Variants in FOXP2 observed in about 807,000 individuals in gnomAD.
The protein encoded by FOXP2 is forkhead box protein P2.
In FOXP2, 12 loss-of-function variants were observed where a neutral mutation model predicts 115.8. The observed-to-expected ratio is 0.10, with a 90% CI of 0.07 to 0.17. The LOEUF (loss-of-function observed/expected upper bound fraction) is 0.17. Among genes scored for constraint, FOXP2 ranks in the 10% least tolerant of loss-of-function variants. The pLI, the probability that FOXP2 is intolerant of heterozygous loss-of-function variation, is 1.00. For synonymous variants in FOXP2, 328 were observed against 297.7 expected (o/e 1.10, Z -1.05); for missense variants, 629 against 843.5 (o/e 0.75, Z 3.15).
intron 1 of FOXP2, among the ~76,000 whole-genome samples, chr7:114,114,016 A>G (rs905561132): frequency 3.9e-5 from 6 of 152,136 alleles, no homozygotes; most frequent in East Asian, 3.9e-4. Context: ...AATTTAAGAG[A>G]ATTATAATAG....
intron 1 of FOXP2, among the ~76,000 whole-genome samples, chr7:114,270,229 G>T (rs1490326643): frequency 2.0e-5 from 3 of 152,058 alleles, no homozygotes; most frequent in Non-Finnish European, 4.4e-5. Flanking sequence ...CCTACTGAAG[G>T]ACATCTTGCT....
At chr7:114,519,217 G>A (rs1419537580) in intron 2 of FOXP2, among the ~76,000 whole-genome samples, 1 of 152,102 alleles carries the variant, frequency 6.6e-6, no homozygotes, top group East Asian at 1.9e-4. Context: ...CAAATCATGA[G>A]TGTCTAATTT....
chr7:114,388,052 A>G (rs1792497749), intron 2 of FOXP2, among the ~76,000 whole-genome samples: 1 of 152,210 alleles, frequency 6.6e-6, no homozygotes, highest in African/African-American at 2.4e-5. Context: ...AGAAAGGTGC[A>G]AGATTAATGT....
At chr7:114,516,854 G>A (rs1050993876) in intron 2 of FOXP2, among the ~76,000 whole-genome samples, 2 of 151,540 alleles carry the variant, frequency 1.3e-5, no homozygotes, top group Non-Finnish European at 2.9e-5. Context: ...TGCCACCATG[G>A]CCAGCTAATT....
At chr7:114,188,015 G>A (rs1217698692) in intron 1 of FOXP2, among the ~76,000 whole-genome samples, 1 of 152,026 alleles carries the variant, frequency 6.6e-6, no homozygotes, top group Non-Finnish European at 1.5e-5. Flanking sequence ...TATTACAATG[G>A]CAATTACATT....
chr7:114,158,760 T>C (rs923844396), upstream of FOXP2, among the ~76,000 whole-genome samples: 1 of 152,174 alleles, frequency 6.6e-6, no homozygotes, highest in Admixed American at 6.6e-5. Flanking sequence ...GAGAGACCAG[T>C]AACTGATCAC....
At chr7:114,620,456 T>C (rs530370417) in intron 3 of FOXP2, among the ~76,000 whole-genome samples, 5 of 152,170 alleles carry the variant, frequency 3.3e-5, no homozygotes, top group African/African-American at 1.2e-4. Context: ...CACTTGTAAT[T>C]TACTGCATGT....
chr7:114,314,780 A>G (rs1000432827), intron 2 of FOXP2, among the ~76,000 whole-genome samples: 2 of 152,198 alleles, frequency 1.3e-5, no homozygotes, highest in Non-Finnish European at 2.9e-5. Context: ...AATCAGGAGA[A>G]TGATTTTCTT....
intron 1 of FOXP2, among the ~76,000 whole-genome samples, chr7:114,197,183 G>A (rs1198134658): frequency 2.0e-5 from 3 of 152,188 alleles, no homozygotes; most frequent in African/African-American, 4.8e-5. Context: ...CGACTACACA[G>A]TGAGACCCTG....
chr7:114,299,052 T>A (rs1181018012), intron 2 of FOXP2, among the ~76,000 whole-genome samples: 2 of 152,202 alleles, frequency 1.3e-5, no homozygotes, highest in African/African-American at 4.8e-5. Flanking sequence ...ACATGCATTC[T>A]GAAACTTTAT....
intron 2 of FOXP2, among the ~76,000 whole-genome samples, chr7:114,375,711 G>C (rs1349321042): frequency 6.6e-6 from 1 of 152,036 alleles, no homozygotes; most frequent in Non-Finnish European, 1.5e-5. Flanking sequence ...CCCAAGCATC[G>C]CCTCTCTCTC....
chr7:114,227,832 C>A (rs1041705792), intron 1 of FOXP2, among the ~76,000 whole-genome samples: 2 of 151,908 alleles, frequency 1.3e-5, no homozygotes, highest in Admixed American at 6.6e-5. Context: ...AGCAGGAAGT[C>A]TAGTATACTT....
At chr7:114,286,880 C>T (rs1796479239) in intron 1 of FOXP2, among the ~76,000 whole-genome samples, 1 of 151,948 alleles carries the variant, frequency 6.6e-6, no homozygotes, top group Admixed American at 6.6e-5. Flanking sequence ...TGTTAATTGG[C>T]CCTGGACTAA....
At chr7:114,229,448 A>G (rs1440495158) in intron 1 of FOXP2, among the ~76,000 whole-genome samples, 1 of 151,682 alleles carries the variant, frequency 6.6e-6, no homozygotes, top group Non-Finnish European at 1.5e-5. Context: ...AATAGTATAC[A>G]TTCTTCTCAA....
intron 2 of FOXP2, among the ~76,000 whole-genome samples, chr7:114,372,772 T>C (rs1792045088): frequency 1.3e-5 from 2 of 152,144 alleles, no homozygotes; most frequent in Non-Finnish European, 2.9e-5. Flanking sequence ...TAAAACAAGG[T>C]TAATCTGTTC....
At chr7:114,433,844 C>A (rs1374501551) in intron 2 of FOXP2, among the ~76,000 whole-genome samples, 1 of 151,906 alleles carries the variant, frequency 6.6e-6, no homozygotes, top group East Asian at 1.9e-4. Context: ...GACTGGCTTA[C>A]ATGAATATTA....
chr7:114,132,659 C>G (rs1234036237), intron 1 of FOXP2, among the ~76,000 whole-genome samples: 2 of 149,448 alleles, frequency 1.3e-5, no homozygotes, highest in African/African-American at 2.5e-5. Flanking sequence ...CCAGGAAGCC[C>G]TCACTGAAAA....
chr7:114,489,509 C>T (rs1796936153), intron 2 of FOXP2, among the ~76,000 whole-genome samples: 1 of 151,822 alleles, frequency 6.6e-6, no homozygotes, highest in Admixed American at 6.6e-5. Context: ...TTCCTCCTTT[C>T]CAGTATTTCC....
rs1563084361 is a variant in FOXP2, at chr7:114,692,832, C to CT, written c.*2912dup. 1 of 449,572 alleles carries CT rather than the reference C, an allele frequency of 2.2e-6. No individual in the cohort carries two copies. Among genetic ancestry groups the CT allele is most frequent in the Non-Finnish European group, 4.5e-6 (1 of 224,544 alleles). 27.8% of individuals were successfully genotyped at this position (449,572 alleles called of 1,614,324 possible). ...GGTGGAATATACCTGTTTTATTTATCTTTTTTGAGGTAAACTAATTTTTGA... is the reference window on the plus strand; with the variant it reads ...GGTGGAATATACCTGTTTTATTTATCTTTTTTTGAGGTAAACTAATTTTTGA... On this transcript the variant is annotated 3_prime_UTR_variant, in exon 17 of 17. Transcript: ENST00000350908.
Sources: allele counts gnomAD v4.1 joint callset (sites outside exome capture counted in the v4.1 genomes callset), GRCh38; gene constraint gnomAD v4.1.1; transcripts MANE v1.5; gene names NCBI Gene and HGNC (gene_info 2026-07-23, HGNC 2026-07-21).